SLCO6A1: variants seen among roughly 807,000 people sequenced by gnomAD.
SLCO6A1 encodes the protein cancer/testis antigen 48.
Under a neutral mutation model 72.7 loss-of-function variants are expected in SLCO6A1, and 65 were observed. The ratio of observed to expected loss-of-function variants is 0.89; its 90% CI spans 0.73 to 1.10. The LOEUF (loss-of-function observed/expected upper bound fraction) is 1.10. Among genes scored for constraint, SLCO6A1 ranks in the 50% least tolerant of loss-of-function variants. SLCO6A1 has a pLI of 0.00. For missense variants in SLCO6A1, 874 were observed against 872.6 expected, an observed-to-expected ratio of 1.00 and a Z score of -0.02; for synonymous variants, 314 against 298.2, an observed-to-expected ratio of 1.05 and a Z score of -0.55.
chr5:102,384,327 G>C (rs1746286756), intron 12 of SLCO6A1, among the ~76,000 whole-genome samples: 1 of 151,884 alleles, frequency 6.6e-6, no homozygotes, highest in Non-Finnish European at 1.5e-5. Context: ...TACATTTAAA[G>C]TAATTATTGA....
rs931490506 is a variant in SLCO6A1, at chr5:102,402,590, C to G, written c.1627-2848G>C. Among the ~76,000 whole-genome samples, 68 of 151,962 alleles carry G rather than the reference C, an allele frequency of 4.5e-4. 1 individual carries two copies. Among genetic ancestry groups the G allele is most frequent in the Admixed American group, 2.0e-4 (3 of 15,234 alleles). On this transcript the variant is annotated intron_variant, in intron 9 of 13. Transcript: ENST00000506729. ...TGAAGATGGTGGCATCTAGTGAGGGCCTTTATGCTGCATCATCTCATGGCA... is the reference window on the plus strand; with the variant it reads ...TGAAGATGGTGGCATCTAGTGAGGGGCTTTATGCTGCATCATCTCATGGCA...
At chr5:102,487,102 G>A (rs1752477566) in intron 1 of SLCO6A1, among the ~76,000 whole-genome samples, 2 of 152,090 alleles carry the variant, frequency 1.3e-5, no homozygotes, top group African/African-American at 4.8e-5. Context: ...AATTGAAAAT[G>A]AGCAAAATTA....
At chr5:102,382,856 T>C (rs1340208470) in intron 12 of SLCO6A1, among the ~76,000 whole-genome samples, 1 of 151,010 alleles carries the variant, frequency 6.6e-6, no homozygotes, top group African/African-American at 2.4e-5. Flanking sequence ...AATCACTTAC[T>C]AGTTTTAACA....
intron 12 of SLCO6A1, among the ~76,000 whole-genome samples, chr5:102,380,263 C>T (rs1264038882): frequency 2.1e-5 from 3 of 143,980 alleles, no homozygotes; most frequent in African/African-American, 4.9e-5. Flanking sequence ...AAATGGCAAA[C>T]TAAGAAACAA....
At chr5:102,395,036 T>TA (rs527548390) in intron 10 of SLCO6A1, among the ~76,000 whole-genome samples, 3 of 152,092 alleles carry the variant, frequency 2.0e-5, no homozygotes, top group African/African-American at 7.2e-5. Flanking sequence ...TATTGAGACT[T>TA]AAAAAAATTT....
intron 9 of SLCO6A1, among the ~76,000 whole-genome samples, chr5:102,403,220 C>G (rs750747265): frequency 7.2e-5 from 11 of 152,142 alleles, no homozygotes; most frequent in Non-Finnish European, 1.2e-4. Context: ...TGGATAAAAG[C>G]TTGTGAGCCT....
chr5:102,408,167 T>G (rs1363632693), intron 9 of SLCO6A1, among the ~76,000 whole-genome samples: 1 of 152,056 alleles, frequency 6.6e-6, no homozygotes, highest in African/African-American at 2.4e-5. Flanking sequence ...TTAGTCACAG[T>G]AAGAGATTAA....
At chr5:102,391,961 T>C (rs542190654) in intron 10 of SLCO6A1, among the ~76,000 whole-genome samples, 10 of 152,074 alleles carry the variant, frequency 6.6e-5, no homozygotes, top group African/African-American at 2.4e-4. Flanking sequence ...TAAATAAAAA[T>C]ACAATTAAAA....
At chr5:102,480,863 T>G (rs1298602154) in intron 1 of SLCO6A1, among the ~76,000 whole-genome samples, 1 of 152,144 alleles carries the variant, frequency 6.6e-6, no homozygotes, top group Admixed American at 6.5e-5. Flanking sequence ...TTTGTCTCCC[T>G]CCCCTCCATA....
chr5:102,418,839 T>C (rs1038393712), intron 8 of SLCO6A1, among the ~76,000 whole-genome samples: 1 of 152,136 alleles, frequency 6.6e-6, no homozygotes, highest in African/African-American at 2.4e-5. Flanking sequence ...CTGATTTTCA[T>C]GGGATTTCTG....
At chr5:102,491,272 G>A (rs947260582) in intron 1 of SLCO6A1, among the ~76,000 whole-genome samples, 1 of 152,208 alleles carries the variant, frequency 6.6e-6, no homozygotes, top group South Asian at 2.1e-4. Flanking sequence ...CAATCCCTCA[G>A]CTAGACATAA....
In SLCO6A1 at chr5:102,409,204, AGTACAGCT is replaced by A. The variant is rs971946670; in HGVS notation, c.1626+3778_1626+3785del. On this transcript the variant is annotated intron_variant, in intron 9 of 13. Coordinates refer to ENST00000506729, the MANE Select transcript of SLCO6A1 (RefSeq NM_173488.5). ...ACAGCAGATATCTATTTTCAGTTTT[AGTACAGCT>A]GTACTTTTCTAGAGAAACCTAAAAA... Among the ~76,000 whole-genome samples, 316 of 152,266 alleles carry A rather than the reference AGTACAGCT, an allele frequency of 2.1e-3. 3 individuals are homozygous for A. The highest frequency in any genetic ancestry group is 7.2e-3 in the African/African-American group (300 of 41,580).
At chr5:102,395,118 T>C (rs10052452) in intron 10 of SLCO6A1, among the ~76,000 whole-genome samples, 6 of 152,192 alleles carry the variant, frequency 3.9e-5, no homozygotes, top group Non-Finnish European at 7.4e-5. Context: ...TATATATGTG[T>C]CATGTTGGTG....
chr5:102,435,934 T>G (rs1242478728), intron 7 of SLCO6A1, among the ~76,000 whole-genome samples: 1 of 152,056 alleles, frequency 6.6e-6, no homozygotes, highest in Non-Finnish European at 1.5e-5. Context: ...GGATTGATTA[T>G]TGTTGATTTC....
chr5:102,450,381 A>G (rs1045788916), intron 6 of SLCO6A1, among the ~76,000 whole-genome samples: 1 of 152,228 alleles, frequency 6.6e-6, no homozygotes, highest in African/African-American at 2.4e-5. Flanking sequence ...TTGGTTTCAC[A>G]GCGGGATATA....
chr5:102,480,872 T>A (rs1359082037), intron 1 of SLCO6A1, among the ~76,000 whole-genome samples: 1 of 152,194 alleles, frequency 6.6e-6, no homozygotes, highest in African/African-American at 2.4e-5. Flanking sequence ...CTCCCCTCCA[T>A]AATCAGCATC....
intron 10 of SLCO6A1, among the ~76,000 whole-genome samples, chr5:102,394,888 C>A (rs968364410): frequency 6.6e-6 from 1 of 151,958 alleles, no homozygotes; most frequent in Non-Finnish European, 1.5e-5. Flanking sequence ...TATCAAGTTA[C>A]AACAGAACCA....
intron 1 of SLCO6A1, among the ~76,000 whole-genome samples, chr5:102,491,554 C>A (rs1752677454): frequency 6.6e-6 from 1 of 152,252 alleles, no homozygotes; most frequent in South Asian, 2.1e-4. Context: ...CAGCTAAGGC[C>A]CCGCGAGAAA....
intron 6 of SLCO6A1, 81 bp from the exon 7 acceptor site, chr5:102,438,842 T>C (rs1749691453): frequency 9.7e-7 from 1 of 1,035,538 alleles, no homozygotes; most frequent in African/African-American, 1.7e-5. Flanking sequence ...GCTAATGATC[T>C]GTCTACAAAA....
Sources: allele counts gnomAD v4.1 joint callset (sites outside exome capture counted in the v4.1 genomes callset), GRCh38; gene constraint gnomAD v4.1.1; transcripts MANE v1.5; gene names NCBI Gene and HGNC (gene_info 2026-07-23, HGNC 2026-07-21).